RASA1: variants seen among roughly 807,000 people sequenced by gnomAD.
The protein encoded by RASA1 is RAS p21 protein activator 1.
Under a neutral mutation model 132.2 loss-of-function variants are expected in RASA1, and 25 were observed. That is an observed-to-expected ratio of 0.19 (90% confidence interval 0.14 to 0.26). The LOEUF (loss-of-function observed/expected upper bound fraction) is 0.26. Among genes scored for constraint, RASA1 ranks in the 10% least tolerant of loss-of-function variants. The pLI is 1.00. For missense variants in RASA1, 964 were observed against 1,299.2 expected, an observed-to-expected ratio of 0.74 and a Z score of 3.97; for synonymous variants, 477 against 449.9, an observed-to-expected ratio of 1.06 and a Z score of -0.76.
At chr5:87,381,023 G>A (rs1761677150) in intron 20 of RASA1, among the ~76,000 whole-genome samples, 1 of 152,184 alleles carries the variant, frequency 6.6e-6, no homozygotes, top group Non-Finnish European at 1.5e-5. Context: ...TAGTTCTGAA[G>A]CTGTGTTTCA....
intron 1 of RASA1, among the ~76,000 whole-genome samples, chr5:87,285,442 A>G (rs957931559): frequency 1.1e-4 from 16 of 152,106 alleles, no homozygotes; most frequent in African/African-American, 3.4e-4. Context: ...GAGAGAGTAC[A>G]GTGGAATAAA....
intron 11 of RASA1, among the ~76,000 whole-genome samples, chr5:87,365,025 T>C (rs1460952462): frequency 1.3e-5 from 2 of 152,134 alleles, no homozygotes; most frequent in African/African-American, 2.4e-5. Context: ...TAGTTTATTA[T>C]CGTGAAAACA....
intron 1 of RASA1, among the ~76,000 whole-genome samples, chr5:87,304,667 C>T (rs1486878863): frequency 6.6e-6 from 1 of 151,996 alleles, no homozygotes; most frequent in Non-Finnish European, 1.5e-5. Flanking sequence ...GAGGTTTCAC[C>T]ATGTTGGGGA....
intron 1 of RASA1, among the ~76,000 whole-genome samples, chr5:87,285,501 G>T (rs965044724): frequency 2.0e-5 from 3 of 151,928 alleles, no homozygotes; most frequent in Non-Finnish European, 4.4e-5. Context: ...GAATGCTATG[G>T]TAATGGCTTG....
At chr5:87,359,764 G>A (rs950776980) in intron 9 of RASA1, among the ~76,000 whole-genome samples, 4 of 151,958 alleles carry the variant, frequency 2.6e-5, no homozygotes, top group South Asian at 2.1e-4. Context: ...CAAATAATTC[G>A]CATCACCAAG....
chr5:87,315,483 A>G (rs897925264), intron 1 of RASA1, among the ~76,000 whole-genome samples: 8 of 152,180 alleles, frequency 5.3e-5, no homozygotes, highest in Non-Finnish European at 8.8e-5. Context: ...AATACTGTCA[A>G]TGTATGAATT....
chr5:87,281,339 A>T (rs1347225446), intron 1 of RASA1, among the ~76,000 whole-genome samples: 1 of 151,252 alleles, frequency 6.6e-6, no homozygotes, highest in Non-Finnish European at 1.5e-5. Context: ...TCTCACTGCA[A>T]TCTCGTCTTA....
At chr5:87,358,296 G>T (rs1413698272) in intron 9 of RASA1, among the ~76,000 whole-genome samples, 3 of 152,058 alleles carry the variant, frequency 2.0e-5, no homozygotes, top group African/African-American at 4.8e-5. Flanking sequence ...TTACATTTTT[G>T]AGCACTATAT....
At chr5:87,287,080 CACACCATATATAT>C (rs1561256249) in intron 1 of RASA1, among the ~76,000 whole-genome samples, 1 of 141,860 alleles carries the variant, frequency 7.0e-6, no homozygotes, top group African/African-American at 2.7e-5. Flanking sequence ...ACCATATATA[CACACCATATATAT>C]ACACACCATA....
At chr5:87,386,980 CT>C in intron 23 of RASA1, 77 bp downstream of exon 23, 2 of 1,307,368 alleles carry the variant, frequency 1.5e-6, no homozygotes, top group Non-Finnish European at 2.2e-6. Context: ...AAGCAGCAAT[CT>C]TTAGAAAGAT....
chr5:87,272,867 T>C (rs938241291), intron 1 of RASA1, among the ~76,000 whole-genome samples: 5 of 152,222 alleles, frequency 3.3e-5, no homozygotes, highest in Non-Finnish European at 7.3e-5. Flanking sequence ...AATGTAGATA[T>C]TCATATTTTT....
At chr5:87,291,032 G>A (rs1437344204) in intron 1 of RASA1, among the ~76,000 whole-genome samples, 2 of 152,198 alleles carry the variant, frequency 1.3e-5, no homozygotes, top group African/African-American at 4.8e-5. Context: ...CTGCCAAACT[G>A]TCTTCCATAG....
chr5:87,274,303 A>C (rs903526942), intron 1 of RASA1, among the ~76,000 whole-genome samples: 2 of 152,180 alleles, frequency 1.3e-5, no homozygotes, highest in Admixed American at 6.5e-5. Flanking sequence ...TTCTTTTTTA[A>C]AAAAATCATT....
At chr5:87,286,046 A>G (rs531151998) in intron 1 of RASA1, among the ~76,000 whole-genome samples, 1 of 152,096 alleles carries the variant, frequency 6.6e-6, no homozygotes, top group South Asian at 2.1e-4. Flanking sequence ...TCTGTAGCCC[A>G]GGCTGGAGTG....
chr5:87,391,296 A>G lies in RASA1; in HGVS notation c.*413A>G, dbSNP rs2112531992. On this transcript the variant is annotated 3_prime_UTR_variant, in exon 25 of 25. Transcript: ENST00000274376. ...AACACATTCTTATTGACAATTGTGT[A>G]TAACTGGATTGCAGACTGTTCTTAC... The G allele has an allele frequency of 2.8e-6, 1 of 362,002 alleles. No individual in the cohort carries two copies. Among genetic ancestry groups the G allele is most frequent in the South Asian group, 3.8e-5 (1 of 26,272 alleles). 22.4% of individuals were successfully genotyped at this position (362,002 alleles called of 1,614,324 possible).
At chr5:87,286,889 T>C (rs955076824) in intron 1 of RASA1, among the ~76,000 whole-genome samples, 7 of 149,980 alleles carry the variant, frequency 4.7e-5, no homozygotes, top group Non-Finnish European at 1.0e-4. Flanking sequence ...ATACACCATA[T>C]ACATATACAC....
rs573483086 is a variant in RASA1 at position 87,348,856 on chromosome 5, A to C, written c.1103-358A>C. ...ACTTTTTAGAATCTTCTTATTACGA[A>C]GATTTACATACAGAATTTAGCAGTT... On this transcript the variant is annotated intron_variant, in intron 7 of 24. Coordinates refer to ENST00000274376, the MANE Select transcript of RASA1 (RefSeq NM_002890.3). Among the ~76,000 whole-genome samples the C allele has an allele frequency of 6.6e-5, 10 of 152,078 alleles. No homozygotes were observed. The South Asian group carries it at 2.1e-3, about 32-fold the overall frequency.
At chr5:87,314,133 A>G (rs6452751) in intron 1 of RASA1, among the ~76,000 whole-genome samples, 69,016 of 152,024 alleles carry the variant, frequency 0.45, 15,620 homozygotes, top group Middle Eastern at 0.53. Flanking sequence ...AGATCATGCC[A>G]TTGCACTCCA....
At chr5:87,290,164 A>G (rs1324607686) in intron 1 of RASA1, among the ~76,000 whole-genome samples, 2 of 152,054 alleles carry the variant, frequency 1.3e-5, no homozygotes, top group Non-Finnish European at 2.9e-5. Context: ...TTTGTATTCC[A>G]TTTTTACAGT....
Sources: gnomAD v4.1 joint callset for allele counts (sites outside exome capture counted in the v4.1 genomes callset) on GRCh38, gnomAD v4.1.1 for gene constraint, MANE v1.5 for transcripts, NCBI Gene and HGNC (gene_info 2026-07-23, HGNC 2026-07-21) for gene names.